Variants in TOX2 observed in about 807,000 individuals in gnomAD.
TOX2 encodes TOX high mobility group box family member 2, also known as granulosa cell HMG box 1.
A neutral mutation model predicts 47.4 loss-of-function variants in TOX2; 15 were observed. The ratio of observed to expected loss-of-function variants is 0.32; its 90% CI spans 0.21 to 0.49. The LOEUF (loss-of-function observed/expected upper bound fraction) is 0.49. TOX2 is among the 20% of genes least tolerant of loss of function. TOX2 has a pLI of 0.99. For synonymous variants in TOX2, 290 were observed against 296.6 expected (o/e 0.98, Z 0.23); for missense variants, 622 against 673.1 (o/e 0.92, Z 0.84).
rs1569087918 is a variant in TOX2 at position 44,006,678 on chromosome 20, C to T, written c.297C>T (p.Leu99=). ...EASYHSLCHG[L]TPNGLLPAYS... ...GCTACCACTCGCTGTGCCACGGCCT[C>T]ACCCCCAACGGTCTGCTCCCTGCCT... The change falls in exon 3 of 9, where the codon CTC becomes CTT. Residue 99 remains leucine, a synonymous_variant. Transcript: ENST00000341197. 6.2e-7 allele frequency: 1 copy of T among 1,614,186 alleles called. No individual in the cohort carries two copies.
intron 2 of TOX2, among the ~76,000 whole-genome samples, chr20:43,980,496 GAA>G (rs889745208): frequency 1.3e-5 from 2 of 152,152 alleles, no homozygotes; most frequent in African/African-American, 4.8e-5. Flanking sequence ...TAAAATAACT[GAA>G]AGAGTATAAT....
chr20:44,018,281 A>G (rs1222835871), intron 3 of TOX2, among the ~76,000 whole-genome samples: 1 of 152,126 alleles, frequency 6.6e-6, no homozygotes, highest in African/African-American at 2.4e-5. Flanking sequence ...CTGGGCTCCT[A>G]ATCAGAGCAC....
chr20:43,939,604 C>T (rs746988991), intron 1 of TOX2, among the ~76,000 whole-genome samples: 2 of 152,106 alleles, frequency 1.3e-5, no homozygotes, highest in South Asian at 2.1e-4. Flanking sequence ...TGAATATGTG[C>T]GGTGAGGTTG....
intron 1 of TOX2, among the ~76,000 whole-genome samples, chr20:43,967,894 G>T (rs894945991): frequency 3.3e-5 from 5 of 152,130 alleles, no homozygotes; most frequent in Non-Finnish European, 4.4e-5. Flanking sequence ...TGCTTGAGGG[G>T]ATGGAAACCC....
At chr20:44,057,306 G>C (rs2071637144) in intron 5 of TOX2, among the ~76,000 whole-genome samples, 1 of 152,280 alleles carries the variant, frequency 6.6e-6, no homozygotes, top group South Asian at 2.1e-4. Context: ...TTCTAAAAAA[G>C]AGATGTTCAG....
At chr20:43,985,230 G>C (rs893907417) in intron 2 of TOX2, among the ~76,000 whole-genome samples, 1 of 152,108 alleles carries the variant, frequency 6.6e-6, no homozygotes, top group Non-Finnish European at 1.5e-5. Flanking sequence ...GGGACCTTCC[G>C]GGTTGACTTA....
At chr20:44,045,054 A>G (rs2071392197) in intron 3 of TOX2, among the ~76,000 whole-genome samples, 1 of 152,224 alleles carries the variant, frequency 6.6e-6, no homozygotes, top group South Asian at 2.1e-4. Flanking sequence ...AGGTACCTGG[A>G]GTAGTCATAG....
At chr20:44,023,914 C>T (rs1387863404) in intron 3 of TOX2, among the ~76,000 whole-genome samples, 1 of 152,254 alleles carries the variant, frequency 6.6e-6, no homozygotes, top group Non-Finnish European at 1.5e-5. Flanking sequence ...GGGGCTGCCA[C>T]CAGCACTCAC....
At chr20:44,006,029 T>C (rs1368463271) in intron 2 of TOX2, among the ~76,000 whole-genome samples, 1 of 152,082 alleles carries the variant, frequency 6.6e-6, no homozygotes, top group Non-Finnish European at 1.5e-5. Context: ...GTTTGTGCCA[T>C]TTACCAAGAT....
chr20:44,046,967 A>G (rs1170443970), intron 3 of TOX2, among the ~76,000 whole-genome samples: 2 of 152,186 alleles, frequency 1.3e-5, no homozygotes, highest in Non-Finnish European at 2.9e-5. Flanking sequence ...AAATCTCAGT[A>G]CTTTCCAAAA....
At chr20:44,038,592 T>G (rs1379444962) in intron 3 of TOX2, among the ~76,000 whole-genome samples, 1 of 151,764 alleles carries the variant, frequency 6.6e-6, no homozygotes, top group Non-Finnish European at 1.5e-5. Flanking sequence ...GGGAAAAAAA[T>G]TCCACCTTTC....
At chr20:43,934,399 G>A (rs2069296805) in intron 1 of TOX2, among the ~76,000 whole-genome samples, 1 of 152,294 alleles carries the variant, frequency 6.6e-6, no homozygotes, top group Middle Eastern at 3.4e-3. Context: ...CACCTCCACC[G>A]TGCAGGTGAG....
At chr20:43,932,603 G>T (rs773654015) in intron 1 of TOX2, among the ~76,000 whole-genome samples, 3 of 152,170 alleles carry the variant, frequency 2.0e-5, no homozygotes, top group Non-Finnish European at 2.9e-5. Flanking sequence ...CTGGATTATT[G>T]CAGCCTTTGG....
chr20:43,956,856 GTTTC>G lies in TOX2; in HGVS notation c.100-16508_100-16505del, dbSNP rs1344608779. Among the ~76,000 whole-genome samples the G allele has an allele frequency of 2.0e-5, 3 of 151,990 alleles. No individual in the cohort carries two copies. In the East Asian group the frequency reaches 5.8e-4, roughly 29 times the overall value. On this transcript the variant is annotated intron_variant, in intron 1 of 8. Coordinates refer to ENST00000341197, the MANE Select transcript of TOX2 (RefSeq NM_001098797.2). ...TGTCCCTTTTTTCCCTTCCATATTTGTTTCTTAAGATATCGCCTCTTGTGTGACT... is the reference window on the plus strand; with the variant it reads ...TGTCCCTTTTTTCCCTTCCATATTTGTTAAGATATCGCCTCTTGTGTGACT...
Position 44,068,937 on chromosome 20 carries a change from C to T in TOX2, c.*251C>T, listed in dbSNP as rs2071887905. 2 of 654,966 alleles carry T rather than the reference C, an allele frequency of 3.1e-6. No individual in the cohort carries two copies. The highest frequency in any genetic ancestry group is 5.7e-6 in the Non-Finnish European group (2 of 350,010). The allele number at this position is 654,966 out of a possible 1,614,324, so 40.6% of individuals were successfully genotyped here. On this transcript the variant is annotated 3_prime_UTR_variant, in exon 9 of 9. Coordinates refer to ENST00000341197, the MANE Select transcript of TOX2 (RefSeq NM_001098797.2). ...CGCTGACCTGCTTGCTCCAGGGTAA[C>T]TGTGGACCCTGTCCTCGCCCTGCGC...
At chr20:43,995,924 G>A (rs190706767) in intron 2 of TOX2, among the ~76,000 whole-genome samples, 9 of 152,252 alleles carry the variant, frequency 5.9e-5, no homozygotes, top group Middle Eastern at 3.4e-3. Context: ...TGTCCTTGAT[G>A]GTCATTCAGG....
intron 2 of TOX2, among the ~76,000 whole-genome samples, chr20:43,983,931 G>A (rs935809658): frequency 6.6e-6 from 1 of 152,172 alleles, no homozygotes. Flanking sequence ...GGAGGCAGGC[G>A]ACCCTCCTGC....
At chr20:43,927,429 C>T (rs2069182258) in intron 1 of TOX2, among the ~76,000 whole-genome samples, 1 of 150,968 alleles carries the variant, frequency 6.6e-6, no homozygotes, top group African/African-American at 2.4e-5. Context: ...ATATATTCCA[C>T]ACTGTGTACA....
chr20:44,021,953 A>T lies in TOX2; in HGVS notation c.411+15161A>T, dbSNP rs569363862. Among the ~76,000 whole-genome samples the T allele has an allele frequency of 1.4e-4, 22 of 152,240 alleles. 1 individual carries two copies. The South Asian group carries it at 3.9e-3, about 27-fold the overall frequency. ...ACCCAGCCTAACTGACTTTGATCAC[A>T]CTAAACCAGAACTGTACCTTCCCAT... On this transcript the variant is annotated intron_variant, in intron 3 of 8. Coordinates refer to ENST00000341197, the MANE Select transcript of TOX2 (RefSeq NM_001098797.2).
Sources: allele counts gnomAD v4.1 joint callset (sites outside exome capture counted in the v4.1 genomes callset), GRCh38; gene constraint gnomAD v4.1.1; transcripts MANE v1.5; gene names NCBI Gene and HGNC (gene_info 2026-07-23, HGNC 2026-07-21).